The following XIRP2 variants were observed in gnomAD, a reference collection of about 807,000 sequenced individuals.
XIRP2 encodes xin actin-binding repeat-containing protein 2.
XIRP2 carries 236 observed loss-of-function variants against 277.0 expected under a neutral mutation model. The observed-to-expected ratio is 0.85, with a 90% CI of 0.77 to 0.95. The LOEUF (loss-of-function observed/expected upper bound fraction) is 0.95, where lower values mean the gene tolerates loss of function less well. Ranked by LOEUF, XIRP2 falls within the 40% of genes least tolerant of loss-of-function variation. The probability of loss-of-function intolerance (pLI) is 0.00; values close to 1 mark genes in which losing one functional copy is unlikely to be tolerated. For missense variants in XIRP2, 4,640 were observed against 4,157.5 expected, an observed-to-expected ratio of 1.12 and a Z score of -3.19; for synonymous variants, 1,490 against 1,416.5, an observed-to-expected ratio of 1.05 and a Z score of -1.17.
intron 2 of XIRP2, among the ~76,000 whole-genome samples, chr2:167,103,574 A>G (rs921082881): frequency 5.3e-5 from 8 of 152,284 alleles, no homozygotes; most frequent in African/African-American, 1.9e-4. Flanking sequence ...AGACTTAACC[A>G]ATCTGCGGCA....
chr2:167,236,062 C>T (rs1694891102), intron 5 of XIRP2, among the ~76,000 whole-genome samples: 1 of 151,828 alleles, frequency 6.6e-6, no homozygotes, highest in Non-Finnish European at 1.5e-5. Context: ...TATATCATAA[C>T]TGTTTCTAGT....
At chr2:167,003,968 G>T (rs1335713579) in intron 2 of XIRP2, among the ~76,000 whole-genome samples, 2 of 151,704 alleles carry the variant, frequency 1.3e-5, no homozygotes, top group Admixed American at 1.3e-4. Flanking sequence ...ATTATTGGAA[G>T]GTTTTAAATT....
intron 2 of XIRP2, among the ~76,000 whole-genome samples, chr2:166,941,175 C>T (rs1312739389): frequency 6.6e-6 from 1 of 152,198 alleles, no homozygotes; most frequent in Non-Finnish European, 1.5e-5. Flanking sequence ...TCACTGCCGC[C>T]TTGCAGTTCA....
intron 2 of XIRP2, among the ~76,000 whole-genome samples, chr2:167,086,010 G>C (rs1311070078): frequency 1.2e-4 from 18 of 151,596 alleles, no homozygotes; most frequent in African/African-American, 3.9e-4. Context: ...TATTTTGCTC[G>C]TTAGTTGATG....
chr2:167,256,683 T>C (rs1464779471), intron 10 of XIRP2, among the ~76,000 whole-genome samples: 2 of 151,956 alleles, frequency 1.3e-5, no homozygotes, highest in African/African-American at 4.8e-5. Flanking sequence ...GGTACATTTC[T>C]GTTTCTCATT....
At chr2:167,004,058 A>G (rs1423715949) in intron 2 of XIRP2, among the ~76,000 whole-genome samples, 1 of 151,866 alleles carries the variant, frequency 6.6e-6, no homozygotes, top group Non-Finnish European at 1.5e-5. Context: ...AAATTCCTCA[A>G]TTTCAAAGAT....
chr2:167,147,659 T>C (rs980143000), intron 3 of XIRP2, among the ~76,000 whole-genome samples: 1 of 152,204 alleles, frequency 6.6e-6, no homozygotes, highest in Non-Finnish European at 1.5e-5. Context: ...GAACCGTTTA[T>C]AGAACTTTCC....
At chr2:167,122,545 A>G (rs1691086876) in intron 2 of XIRP2, among the ~76,000 whole-genome samples, 2 of 152,098 alleles carry the variant, frequency 1.3e-5, no homozygotes, top group African/African-American at 4.8e-5. Flanking sequence ...GTTCACTTGG[A>G]TGTCCAGGCA....
In XIRP2 at chr2:167,248,122, A is replaced by C; in HGVS notation, c.6730A>C (p.Thr2244Pro). 6.2e-7 allele frequency: 1 copy of C among 1,613,320 alleles called. No homozygotes were observed. Among genetic ancestry groups the C allele is most frequent in the South Asian group, 1.1e-5 (1 of 90,942 alleles). Residue 2244 changes from threonine to proline, a missense_variant, in exon 9 of 11, where the codon ACT becomes CCT. Coordinates refer to ENST00000409195, the MANE Select transcript of XIRP2 (RefSeq NM_152381.6). ...TAAGGCAACCAACAAAAAGCGGGAG[A>C]CTGATGTTCACTTGAAAAGCCAGGA... ...TFKATNKKRETDVHLKSQDFL... is the reference protein window; with the variant it reads ...TFKATNKKREPDVHLKSQDFL...
intron 2 of XIRP2, among the ~76,000 whole-genome samples, chr2:167,053,401 C>G (rs1307306440): frequency 2.0e-5 from 3 of 152,044 alleles, no homozygotes; most frequent in Admixed American, 2.0e-4. Context: ...CATCATTTGA[C>G]ATTGTTTCTT....
intron 2 of XIRP2, among the ~76,000 whole-genome samples, chr2:167,102,939 A>T (rs1574257339): frequency 6.6e-6 from 1 of 152,216 alleles, no homozygotes; most frequent in East Asian, 1.9e-4. Flanking sequence ...TGTCAGACAA[A>T]AGACTAATTG....
At chr2:166,971,458 G>A (rs893109591) in intron 2 of XIRP2, among the ~76,000 whole-genome samples, 2 of 151,922 alleles carry the variant, frequency 1.3e-5, no homozygotes, top group Non-Finnish European at 2.9e-5. Context: ...CAAATATTTT[G>A]ATTCATTAGA....
At chr2:167,085,666 G>C (rs1319879462) in intron 2 of XIRP2, among the ~76,000 whole-genome samples, 38 of 151,924 alleles carry the variant, frequency 2.5e-4, no homozygotes, top group African/African-American at 7.0e-4. Flanking sequence ...GTTAGCTCTT[G>C]TTGTTGAATT....
chr2:167,009,190 T>C (rs913622220), intron 2 of XIRP2, among the ~76,000 whole-genome samples: 2 of 150,452 alleles, frequency 1.3e-5, no homozygotes, highest in Non-Finnish European at 3.0e-5. Flanking sequence ...ATTAGGTATA[T>C]CTCCTAAAGT....
At chr2:167,057,614 A>G (rs1364949762) in intron 2 of XIRP2, among the ~76,000 whole-genome samples, 1 of 152,154 alleles carries the variant, frequency 6.6e-6, no homozygotes, top group Non-Finnish European at 1.5e-5. Context: ...GACTCCTGAA[A>G]CAGTTTCAAT....
chr2:167,012,633 G>C (rs139123116), intron 2 of XIRP2, among the ~76,000 whole-genome samples: 1 of 151,236 alleles, frequency 6.6e-6, no homozygotes, highest in Non-Finnish European at 1.5e-5. Flanking sequence ...ATGTATTCTC[G>C]TCTCTATTTT....
intron 3 of XIRP2, among the ~76,000 whole-genome samples, chr2:167,171,093 T>C (rs1414398709): frequency 6.6e-6 from 1 of 151,730 alleles, no homozygotes; most frequent in East Asian, 1.9e-4. Flanking sequence ...AGAGAAGGAG[T>C]TTTGCCATGT....
chr2:166,905,873 A>G (rs1359077126), intron 2 of XIRP2, among the ~76,000 whole-genome samples: 1 of 152,008 alleles, frequency 6.6e-6, no homozygotes, highest in African/African-American at 2.4e-5. Context: ...TAGTTCAACC[A>G]AATTTAAAAT....
chr2:166,987,152 T>C (rs1190688472), intron 2 of XIRP2, among the ~76,000 whole-genome samples: 5 of 152,104 alleles, frequency 3.3e-5, no homozygotes, highest in African/African-American at 1.2e-4. Flanking sequence ...TCAGAAGTTT[T>C]AGATGGGATG....
Sources: gnomAD v4.1 joint callset for allele counts (sites outside exome capture counted in the v4.1 genomes callset) on GRCh38, gnomAD v4.1.1 for gene constraint, MANE v1.5 for transcripts, NCBI Gene and HGNC (gene_info 2026-07-23, HGNC 2026-07-21) for gene names.